Variants in INO80C observed in about 807,000 individuals in gnomAD.
INO80C encodes IES6 homolog.
INO80C carries 17 observed loss-of-function variants against 17.7 expected under a neutral mutation model. The ratio of observed to expected loss-of-function variants is 0.96; its 90% CI spans 0.66 to 1.44. The LOEUF (loss-of-function observed/expected upper bound fraction) is 1.44. INO80C is among the 40% of genes most tolerant of loss of function. INO80C has a pLI of 0.00. For missense variants in INO80C, 244 were observed against 245.0 expected (o/e 1.00, Z 0.03); for synonymous variants, 96 against 95.8 (o/e 1.00, Z -0.01).
At position 35,468,627 on chromosome 18, in the gene INO80C, G is replaced by A. The variant is rs1260281669; in HGVS notation, c.563C>T (p.Thr188Met). 1.6e-5 allele frequency: 26 copies of A among 1,613,904 alleles called. No individual in the cohort carries two copies. The highest frequency in any genetic ancestry group is 4.0e-5 in the African/African-American group (3 of 74,876). The change falls in exon 5 of 5, where the codon ACG becomes ATG. Residue 188 changes from threonine (T) to methionine (M), a missense_variant. Physicochemically the swap from Thr to Met is moderately conservative, Grantham distance 81. Coordinates refer to ENST00000334598, the MANE Select transcript of INO80C (RefSeq NM_194281.4). ...VTGYLALRKA[T>M]SIVP ...TTCTGGGGCTCAGGGAACGATGCTCGTGGCCTTCCTCAGGGCCAGGTAGCC... is the reference window on the plus strand; with the variant it reads ...TTCTGGGGCTCAGGGAACGATGCTCATGGCCTTCCTCAGGGCCAGGTAGCC...
chr18:35,497,919 C>G lies in INO80C; in HGVS notation c.-45G>C, dbSNP rs1460329913. 6.1e-6 allele frequency: 9 copies of G among 1,486,030 alleles called. No homozygotes were observed. Among genetic ancestry groups the G allele is most frequent in the Non-Finnish European group, 8.1e-6 (9 of 1,117,144 alleles). 92.1% of individuals were successfully genotyped at this position (1,486,030 alleles called of 1,614,324 possible). On this transcript the variant is annotated 5_prime_UTR_variant, in exon 1 of 5. Transcript: ENST00000334598. Reference sequence around the variant, plus strand: ...TGGTCCCCCCACCTTTTTCCCAGCGCGGGCCTTGGAACTTCCTTTCCGCTG... The same window carrying G: ...TGGTCCCCCCACCTTTTTCCCAGCGGGGGCCTTGGAACTTCCTTTCCGCTG...
Position 35,480,469 on chromosome 18 carries a change from T to C in INO80C, c.251A>G (p.Lys84Arg), listed in dbSNP as rs1211844801. Residue 84 changes from lysine (K) to arginine (R), a missense_variant, in exon 2 of 5, where the codon AAG becomes AGG. Lys to Arg is a conservative substitution (Grantham distance 26, BLOSUM62 2). Transcript: ENST00000334598. ...VEKAAKPLPF[K>R]DPNFVHSGHG... ...GATGCTTACCACAAAGTTGGGATCC[T>C]TAAATGGCAAAGGTTTGGCAGCTTT... 2 of 1,613,008 alleles carry C rather than the reference T, an allele frequency of 1.2e-6. No homozygotes were observed. Among genetic ancestry groups the C allele is most frequent in the Non-Finnish European group, 1.7e-6 (2 of 1,179,052 alleles).
intron 4 of INO80C, among the ~76,000 whole-genome samples, chr18:35,472,769 T>C (rs1403898636): frequency 6.6e-6 from 1 of 152,224 alleles, no homozygotes; most frequent in Non-Finnish European, 1.5e-5. Context: ...AAATGTATAA[T>C]CAAATGTCTT....
chr18:35,484,204 A>G (rs1310352811), intron 1 of INO80C, among the ~76,000 whole-genome samples: 1 of 152,218 alleles, frequency 6.6e-6, no homozygotes, highest in Non-Finnish European at 1.5e-5. Context: ...ATACATAGCA[A>G]ATGTAGAAAA....
At position 35,479,302 on chromosome 18, in the gene INO80C, T is replaced by C. The variant is rs1389766153; in HGVS notation, c.377A>G (p.Asn126Ser). 1 of 1,600,284 alleles carries C rather than the reference T, an allele frequency of 6.2e-7. No individual in the cohort carries two copies. The highest frequency in any genetic ancestry group is 1.1e-5 in the South Asian group (1 of 90,756). ...ATGGAAGGCTCTAGACAGCTCACAGTTAGGATCGTTCAGTTGCCACGGCAA... is the reference window on the plus strand; with the variant it reads ...ATGGAAGGCTCTAGACAGCTCACAGCTAGGATCGTTCAGTTGCCACGGCAA... ...RALPWQLNDP[N>S]YFSIDAPPSF... Residue 126 changes from asparagine to serine, a missense_variant and splice_region_variant, in exon 3 of 5, where the codon AAC becomes AGC. Coordinates refer to ENST00000334598, the MANE Select transcript of INO80C (RefSeq NM_194281.4).
intron 1 of INO80C, among the ~76,000 whole-genome samples, chr18:35,493,897 G>A (rs148920238): frequency 4.4e-4 from 67 of 152,256 alleles, no homozygotes; most frequent in African/African-American, 1.4e-3. Context: ...GGAAATTTAC[G>A]TGATGAAAGA....
In INO80C at chr18:35,479,368, G is replaced by GT; in HGVS notation, c.310dup (p.Thr104AsnfsTer12). The GT allele has an allele frequency of 6.2e-7, 1 of 1,614,096 alleles. No individual in the cohort carries two copies. The highest frequency in any genetic ancestry group is 8.5e-7 in the Non-Finnish European group (1 of 1,179,994). On this transcript the variant is annotated frameshift_variant, in exon 3 of 5. Coordinates refer to ENST00000334598, the MANE Select transcript of INO80C (RefSeq NM_194281.4). LOFTEE classifies it high-confidence loss of function. ...GAGGATTTGTTTCAGGTTCTTCCAG[G>GT]TTCTGTTCTTCTTGCCAGCTACTGC...
At position 35,480,510 on chromosome 18, in the gene INO80C, G is replaced by T. The variant is rs1199186989; in HGVS notation, c.210C>A (p.Ser70Arg). 9.3e-6 allele frequency: 15 copies of T among 1,614,034 alleles called. No homozygotes were observed. The highest frequency in any genetic ancestry group is 1.3e-5 in the Non-Finnish European group (15 of 1,179,970). Residue 70 changes from serine (S) to arginine (R), a missense_variant, in exon 2 of 5, where the codon AGC (serine) becomes AGA (arginine). Physicochemically the swap from Ser to Arg is moderately radical, Grantham distance 110. Transcript: ENST00000334598. ...SENKMVPSEF[S>R]TGPVEKAAKP... Reference sequence around the variant, plus strand: ...TGGCAGCTTTTTCCACAGGTCCTGTGCTAAACTCAGAGGGCACCATTTTAT... The same window carrying T: ...TGGCAGCTTTTTCCACAGGTCCTGTTCTAAACTCAGAGGGCACCATTTTAT...
chr18:35,472,829 A>G (rs1316923832), intron 4 of INO80C, among the ~76,000 whole-genome samples: 1 of 152,198 alleles, frequency 6.6e-6, no homozygotes, highest in Middle Eastern at 3.2e-3. Context: ...AGTGAAGCTG[A>G]ATATCTACTT....
chr18:35,480,914 C>T (rs1156915077), intron 1 of INO80C, among the ~76,000 whole-genome samples: 1 of 152,214 alleles, frequency 6.6e-6, no homozygotes, highest in Non-Finnish European at 1.5e-5. Context: ...AAAACTGAGG[C>T]CCAGGGGAAC....
intron 1 of INO80C, among the ~76,000 whole-genome samples, chr18:35,494,934 G>C (rs2045966368): frequency 6.6e-6 from 1 of 152,242 alleles, no homozygotes; most frequent in African/African-American, 2.4e-5. Flanking sequence ...TAAGCATACT[G>C]CTGGGGATGG....
chr18:35,474,100 T>C (rs1414964011), intron 4 of INO80C, among the ~76,000 whole-genome samples: 1 of 149,904 alleles, frequency 6.7e-6, no homozygotes, highest in East Asian at 1.9e-4. Flanking sequence ...GAACCAAATG[T>C]TGGACACAGC....
intron 1 of INO80C, among the ~76,000 whole-genome samples, chr18:35,494,220 A>G (rs2045957329): frequency 6.6e-6 from 1 of 152,176 alleles, no homozygotes; most frequent in Non-Finnish European, 1.5e-5. Flanking sequence ...TAATGGTTTC[A>G]TTTGTGTGAT....
chr18:35,476,553 A>T (rs1317521228), intron 4 of INO80C, among the ~76,000 whole-genome samples: 2 of 152,226 alleles, frequency 1.3e-5, no homozygotes, highest in African/African-American at 2.4e-5. Context: ...AAAAACGCTC[A>T]ATAAATCCAG....
At chr18:35,496,669 T>C (rs1031416163) in intron 1 of INO80C, 2 of 152,236 alleles carry the variant, frequency 1.3e-5, no homozygotes, top group Non-Finnish European at 2.9e-5. Context: ...AGTGATGCTC[T>C]TGTAGTTGGG....
chr18:35,473,183 A>G (rs990924194), intron 4 of INO80C, among the ~76,000 whole-genome samples: 1 of 152,234 alleles, frequency 6.6e-6, no homozygotes, highest in African/African-American at 2.4e-5. Context: ...TCAAAATGAC[A>G]CAGGGAGAGA....
In INO80C at chr18:35,486,673, G is replaced by A. The variant is rs752909985; in HGVS notation, c.157-6110C>T. Among the ~76,000 whole-genome samples the A allele has an allele frequency of 6.1e-4, 93 of 151,622 alleles. 2 individuals are homozygous for A. The highest frequency in any genetic ancestry group is 9.2e-4 in the Admixed American group (14 of 15,204). ...TGGCCTGTTGTAGTTCTGGTTACTCGGGAGACTGAGAAGGGAGGATCACTT... is the reference window on the plus strand; with the variant it reads ...TGGCCTGTTGTAGTTCTGGTTACTCAGGAGACTGAGAAGGGAGGATCACTT... On this transcript the variant is annotated intron_variant, in intron 1 of 4. Transcript: ENST00000334598.
intron 1 of INO80C, among the ~76,000 whole-genome samples, chr18:35,495,541 G>A (rs958278949): frequency 6.6e-6 from 1 of 152,210 alleles, no homozygotes; most frequent in Non-Finnish European, 1.5e-5. Flanking sequence ...AGAGGGAATA[G>A]AGAGTTAAGA....
chr18:35,497,422 T>C (rs2045994699), intron 1 of INO80C: 2 of 1,175,348 alleles, frequency 1.7e-6, no homozygotes, highest in Non-Finnish European at 2.1e-6. Flanking sequence ...TGACACTCAT[T>C]AGTCCTGAAC....
Sources: allele counts gnomAD v4.1 joint callset (sites outside exome capture counted in the v4.1 genomes callset), GRCh38; gene constraint gnomAD v4.1.1; transcripts MANE v1.5; gene names NCBI Gene and HGNC (gene_info 2026-07-23, HGNC 2026-07-21).